The following SANBR variants were observed in gnomAD, a reference collection of about 807,000 sequenced individuals.
SANBR encodes SANT and BTB domain regulator of class switch recombination.
SANBR carries 77 observed loss-of-function variants against 101.8 expected under a neutral mutation model. That is an observed-to-expected ratio of 0.76 (90% confidence interval 0.63 to 0.91). The LOEUF is 0.91. Ranked by LOEUF, SANBR falls within the 40% of genes least tolerant of loss-of-function variation. SANBR has a pLI of 0.00. For synonymous variants in SANBR, 279 were observed against 274.7 expected (o/e 1.02, Z -0.15); for missense variants, 875 against 853.0 (o/e 1.03, Z -0.32).
chr2:61,106,390 CAAAAAAA>C (rs11364653), intron 13 of SANBR, among the ~76,000 whole-genome samples, 166 bp from the exon 14 acceptor site: 25 of 63,262 alleles, frequency 4.0e-4, no homozygotes, highest in South Asian at 7.3e-4. Flanking sequence ...GACTCCATCT[CAAAAAAA>C]AAAAAAAAAA....
chr2:61,078,257 T>C (rs1681897695), intron 6 of SANBR, among the ~76,000 whole-genome samples: 1 of 152,210 alleles, frequency 6.6e-6, no homozygotes, highest in Non-Finnish European at 1.5e-5. Context: ...AAAAGTTCAC[T>C]GATACAGTTC....
downstream of SANBR, among the ~76,000 whole-genome samples, chr2:61,128,699 G>T (rs1684588961): frequency 6.6e-6 from 1 of 152,036 alleles, no homozygotes; most frequent in African/African-American, 2.4e-5. Context: ...TCGCCATGTT[G>T]GTCAGGCTCA....
chr2:61,076,273 G>A (rs887555940), intron 5 of SANBR, among the ~76,000 whole-genome samples: 2 of 150,672 alleles, frequency 1.3e-5, no homozygotes, highest in African/African-American at 2.4e-5. Flanking sequence ...GATTACAGGT[G>A]TGAGCCACCG....
At chr2:61,068,521 G>A (rs190391386) in intron 1 of SANBR, among the ~76,000 whole-genome samples, 6 of 152,270 alleles carry the variant, frequency 3.9e-5, no homozygotes, top group African/African-American at 7.2e-5. Context: ...AATCCTCACC[G>A]TAACTCCAAA....
intron 7 of SANBR, 81 bp downstream of exon 7, chr2:61,081,591 GACTTT>G: frequency 7.5e-7 from 1 of 1,332,856 alleles, no homozygotes; most frequent in Non-Finnish European, 1.0e-6. Flanking sequence ...AAAATTCTGA[GACTTT>G]ATTAAAATTA....
At chr2:61,068,355 G>A (rs1681288888) in intron 1 of SANBR, among the ~76,000 whole-genome samples, 1 of 152,178 alleles carries the variant, frequency 6.6e-6, no homozygotes, top group Non-Finnish European at 1.5e-5. Flanking sequence ...CTGGGCACAA[G>A]GCAGTGCTTT....
At chr2:61,096,965 C>T (rs186494372) in intron 11 of SANBR, among the ~76,000 whole-genome samples, 108 of 152,160 alleles carry the variant, frequency 7.1e-4, no homozygotes, top group Admixed American at 2.3e-3. Context: ...ACCAGCCTGA[C>T]CAACATGGCA....
intron 8 of SANBR, among the ~76,000 whole-genome samples, chr2:61,085,594 G>A (rs970970189): frequency 9.3e-5 from 14 of 151,172 alleles, no homozygotes; most frequent in African/African-American, 2.7e-4. Flanking sequence ...CTCTGCAACC[G>A]CCGCCTCCCA....
At chr2:61,079,641 A>C (rs190730574) in intron 6 of SANBR, among the ~76,000 whole-genome samples, 1 of 152,314 alleles carries the variant, frequency 6.6e-6, no homozygotes, top group Non-Finnish European at 1.5e-5. Context: ...AAACATGTAG[A>C]GAGAGAAAAA....
chr2:61,128,054 T>C (rs982386553), downstream of SANBR, among the ~76,000 whole-genome samples: 3 of 151,468 alleles, frequency 2.0e-5, no homozygotes, highest in Non-Finnish European at 4.4e-5. Context: ...GGGCGGATCA[T>C]GAGGTCAGGA....
intron 8 of SANBR, among the ~76,000 whole-genome samples, chr2:61,084,427 T>C (rs1682313068): frequency 6.6e-6 from 1 of 152,112 alleles, no homozygotes; most frequent in East Asian, 1.9e-4. Flanking sequence ...TTAAAAATTA[T>C]GAAGATATTA....
At chr2:61,128,165 G>C (rs955032941), downstream of SANBR, among the ~76,000 whole-genome samples, 3 of 151,884 alleles carry the variant, frequency 2.0e-5, no homozygotes, top group Admixed American at 6.6e-5. Context: ...CCAGCTACTT[G>C]GGAGGTTGAG....
intron 8 of SANBR, among the ~76,000 whole-genome samples, chr2:61,085,425 T>G (rs1682371825): frequency 6.6e-6 from 1 of 152,162 alleles, no homozygotes; most frequent in South Asian, 2.1e-4. Context: ...ACTAGTACGT[T>G]TACTATATGT....
intron 16 of SANBR, 69 bp downstream of exon 16, chr2:61,109,365 C>T: frequency 1.2e-6 from 1 of 839,382 alleles, no homozygotes; most frequent in African/African-American, 1.7e-5. Flanking sequence ...GCCTTTAATG[C>T]AAGGGATGGG....
intron 6 of SANBR, among the ~76,000 whole-genome samples, chr2:61,079,530 C>T (rs1681977037): frequency 6.6e-6 from 1 of 151,942 alleles, no homozygotes; most frequent in Admixed American, 6.6e-5. Flanking sequence ...TTCTAGTGGT[C>T]CTTAAATAAA....
chr2:61,109,677 G>GTTTTTTTTT (rs1363427197), intron 16 of SANBR, among the ~76,000 whole-genome samples: 5 of 109,490 alleles, frequency 4.6e-5, no homozygotes, highest in Non-Finnish European at 7.7e-5. Context: ...TTTTTTTTGT[G>GTTTTTTTTT]TTTGTTTTTT....
downstream of SANBR, among the ~76,000 whole-genome samples, chr2:61,129,090 A>C (rs1684603582): frequency 6.6e-6 from 1 of 152,204 alleles, no homozygotes; most frequent in African/African-American, 2.4e-5. Flanking sequence ...ATTCCCAGAT[A>C]AACAAAAATT....
chr2:61,080,846 G>C (rs1037936988), intron 6 of SANBR, among the ~76,000 whole-genome samples: 5 of 152,114 alleles, frequency 3.3e-5, no homozygotes, highest in Non-Finnish European at 7.3e-5. Flanking sequence ...TGTTAGTACT[G>C]TAATGATGCA....
At chr2:61,086,106 T>C (rs1682413598) in intron 8 of SANBR, among the ~76,000 whole-genome samples, 1 of 152,154 alleles carries the variant, frequency 6.6e-6, no homozygotes. Context: ...TCCTCCTTAA[T>C]TTATTTCACC....
Sources: allele counts gnomAD v4.1 joint callset (sites outside exome capture counted in the v4.1 genomes callset), GRCh38; gene constraint gnomAD v4.1.1; transcripts MANE v1.5; gene names NCBI Gene and HGNC (gene_info 2026-07-23, HGNC 2026-07-21).